PFKFB3: variants seen among roughly 807,000 people sequenced by gnomAD.
PFKFB3 encodes the protein 6-phosphofructo-2-kinase/fructose-2,6-biphosphatase 3.
PFKFB3 carries 33 observed loss-of-function variants against 68.0 expected under a neutral mutation model. The observed-to-expected ratio is 0.49, with a 90% CI of 0.37 to 0.65. The LOEUF (loss-of-function observed/expected upper bound fraction) is 0.65, where lower values mean the gene tolerates loss of function less well. Among genes scored for constraint, PFKFB3 ranks in the 30% least tolerant of loss-of-function variants. The probability of loss-of-function intolerance (pLI) is 0.00; values close to 1 mark genes in which losing one functional copy is unlikely to be tolerated. For missense variants in PFKFB3, 586 were observed against 712.2 expected, an observed-to-expected ratio of 0.82 and a Z score of 2.02; for synonymous variants, 315 against 288.2, an observed-to-expected ratio of 1.09 and a Z score of -0.94.
At chr10:6,231,735 AC>A in intron 14 of PFKFB3, 1 of 283,360 alleles carries the variant, frequency 3.5e-6, no homozygotes, top group Non-Finnish European at 5.3e-6. Context: ...CCCAGTGGGC[AC>A]CCATCACTTC....
intron 14 of PFKFB3, among the ~76,000 whole-genome samples, chr10:6,249,198 A>G (rs892387137): frequency 2.0e-5 from 3 of 148,104 alleles, no homozygotes; most frequent in East Asian, 2.7e-4. Context: ...AAAAAAAAAA[A>G]AAAAAGAAAA....
the PFKFB3 span, among the ~76,000 whole-genome samples, chr10:6,305,113 T>C: frequency 6.7e-5 from 9 of 135,156 alleles, no homozygotes; most frequent in African/African-American, 1.4e-4. Flanking sequence ...CCTCCTGCCT[T>C]GGCCTTGCAA....
intron 1 of PFKFB3, among the ~76,000 whole-genome samples, chr10:6,175,145 GT>G (rs961315603): frequency 3.9e-5 from 6 of 152,088 alleles, no homozygotes; most frequent in Non-Finnish European, 7.4e-5. Flanking sequence ...AAATTAAATT[GT>G]CCCCAGCTTC....
At chr10:6,260,580 T>C in the PFKFB3 span, among the ~76,000 whole-genome samples, 2 of 152,220 alleles carry the variant, frequency 1.3e-5, no homozygotes, top group Non-Finnish European at 2.9e-5. Context: ...CATCTAAGCA[T>C]GTATCCCCAA....
chr10:6,233,168 G>C lies in PFKFB3; in HGVS notation c.*226G>C. On this transcript the variant is annotated 3_prime_UTR_variant, in exon 15 of 15. Transcript: ENST00000379775. ...CTGGCGCCCTGCCTTTAGCCGTGGGGCCCCCACCTCCACTCTCTGGGTTTC... is the reference window on the plus strand; with the variant it reads ...CTGGCGCCCTGCCTTTAGCCGTGGGCCCCCCACCTCCACTCTCTGGGTTTC... 1.9e-6 allele frequency: 1 copy of C among 539,874 alleles called. No individual in the cohort carries two copies. Among genetic ancestry groups the C allele is most frequent in the Non-Finnish European group, 3.3e-6 (1 of 301,632 alleles). 33.4% of individuals were successfully genotyped at this position (539,874 alleles called of 1,614,324 possible). A position where few individuals can be genotyped will look rare whatever the true frequency, so the allele number is the denominator to read the frequency against.
chr10:6,277,072 C>A, the PFKFB3 span, among the ~76,000 whole-genome samples: 2 of 152,176 alleles, frequency 1.3e-5, no homozygotes, highest in African/African-American at 4.8e-5. Flanking sequence ...CAGAATGTTG[C>A]ATAAATGGAA....
the PFKFB3 span, among the ~76,000 whole-genome samples, chr10:6,319,300 T>C: frequency 6.6e-6 from 1 of 152,356 alleles, no homozygotes; most frequent in East Asian, 1.9e-4. Context: ...GAATATTTGG[T>C]ACATATACAC....
the PFKFB3 span, among the ~76,000 whole-genome samples, chr10:6,318,870 G>T: frequency 1.3e-5 from 2 of 152,174 alleles, no homozygotes; most frequent in South Asian, 2.1e-4. Flanking sequence ...ACTTGCGAAG[G>T]TCTGGAGGCC....
the PFKFB3 span, among the ~76,000 whole-genome samples, chr10:6,288,452 T>C: frequency 1.3e-5 from 2 of 149,168 alleles, no homozygotes; most frequent in South Asian, 4.3e-4. Flanking sequence ...GAACACGCGG[T>C]GTTTGGTTTT....
At chr10:6,302,528 C>A in the PFKFB3 span, among the ~76,000 whole-genome samples, 1 of 149,308 alleles carries the variant, frequency 6.7e-6, no homozygotes, top group African/African-American at 2.5e-5. Context: ...ATTACAGGTG[C>A]CTGCCACCAC....
chr10:6,270,309 T>C, the PFKFB3 span, among the ~76,000 whole-genome samples: 1 of 152,218 alleles, frequency 6.6e-6, no homozygotes, highest in African/African-American at 2.4e-5. Flanking sequence ...TGCCTTCTTT[T>C]TCCCATTTCA....
At chr10:6,303,194 T>G in the PFKFB3 span, among the ~76,000 whole-genome samples, 2 of 152,188 alleles carry the variant, frequency 1.3e-5, no homozygotes, top group Non-Finnish European at 2.9e-5. Context: ...CTTACAAGAC[T>G]GATAAATATG....
intron 14 of PFKFB3, among the ~76,000 whole-genome samples, chr10:6,247,220 C>T (rs544411697): frequency 8.5e-5 from 13 of 152,200 alleles, no homozygotes; most frequent in East Asian, 1.9e-4. Flanking sequence ...TAGAAAACTT[C>T]GGTTCAGGCT....
At chr10:6,268,490 T>C in the PFKFB3 span, among the ~76,000 whole-genome samples, 1 of 151,918 alleles carries the variant, frequency 6.6e-6, no homozygotes, top group African/African-American at 2.4e-5. Flanking sequence ...CCAGGGATGT[T>C]TGCGTGCACC....
chr10:6,191,332 G>T (rs533129238), intron 1 of PFKFB3, among the ~76,000 whole-genome samples: 1 of 152,192 alleles, frequency 6.6e-6, no homozygotes, highest in South Asian at 2.1e-4. Context: ...CTCAAGACCC[G>T]TTGCGTGCCA....
intron 1 of PFKFB3, among the ~76,000 whole-genome samples, chr10:6,184,228 T>C (rs1564604631): frequency 6.6e-6 from 1 of 151,860 alleles, no homozygotes; most frequent in Non-Finnish European, 1.5e-5. Context: ...AATTTTTGTA[T>C]TTTTAGTAGA....
intron 14 of PFKFB3, among the ~76,000 whole-genome samples, chr10:6,250,443 C>T (rs1035167988): frequency 5.9e-5 from 9 of 152,048 alleles, no homozygotes; most frequent in East Asian, 3.9e-4. Context: ...TGGTGGCGGG[C>T]GCCTGTAGTC....
intron 1 of PFKFB3, among the ~76,000 whole-genome samples, chr10:6,162,069 G>A (rs1180438519): frequency 6.6e-6 from 1 of 152,136 alleles, no homozygotes; most frequent in African/African-American, 2.4e-5. Flanking sequence ...CCAGCTCCTG[G>A]CAGCCACCAT....
At chr10:6,187,985 A>G (rs920741594) in intron 1 of PFKFB3, among the ~76,000 whole-genome samples, 1 of 111,736 alleles carries the variant, frequency 8.9e-6, no homozygotes. Flanking sequence ...CTATCCATCC[A>G]TCCATTTACC....
Sources: allele counts gnomAD v4.1 joint callset (sites outside exome capture counted in the v4.1 genomes callset), GRCh38; gene constraint gnomAD v4.1.1; transcripts MANE v1.5; gene names NCBI Gene and HGNC (gene_info 2026-07-23, HGNC 2026-07-21).